Variants in MAGI2 observed in about 807,000 individuals in gnomAD.
The protein encoded by MAGI2 is membrane-associated guanylate kinase, WW and PDZ domain-containing protein 2.
In MAGI2, 35 loss-of-function variants were observed where a neutral mutation model predicts 133.3. The observed-to-expected ratio is 0.26, with a 90% CI of 0.20 to 0.35. MAGI2 has a LOEUF of 0.35. Among genes scored for constraint, MAGI2 ranks in the 10% least tolerant of loss-of-function variants. The pLI is 1.00. For synonymous variants in MAGI2, 729 were observed against 710.6 expected (o/e 1.03, Z -0.41); for missense variants, 1,636 against 1,863.4 (o/e 0.88, Z 2.25).
chr7:78,897,660 CTGTGAAGAA>C (rs1204656993), intron 2 of MAGI2, among the ~76,000 whole-genome samples: 1 of 152,072 alleles, frequency 6.6e-6, no homozygotes. Context: ...TTTTCTAGTT[CTGTGAAGAA>C]TGCCACTGGT....
chr7:78,214,443 T>C (rs536916949), intron 10 of MAGI2, among the ~76,000 whole-genome samples: 3 of 152,356 alleles, frequency 2.0e-5, no homozygotes, highest in African/African-American at 7.2e-5. Flanking sequence ...TACTATCTTT[T>C]TGATGTCTTG....
At chr7:78,842,023 T>G (rs1322869374) in intron 2 of MAGI2, among the ~76,000 whole-genome samples, 1 of 151,974 alleles carries the variant, frequency 6.6e-6, no homozygotes, top group African/African-American at 2.4e-5. Flanking sequence ...TCATAGGTGC[T>G]TAAAAATGTT....
chr7:79,251,751 A>G (rs1833290255), intron 1 of MAGI2, among the ~76,000 whole-genome samples: 1 of 152,218 alleles, frequency 6.6e-6, no homozygotes, highest in African/African-American at 2.4e-5. Context: ...CCCAAAGGAA[A>G]GGAAATCAGT....
intron 6 of MAGI2, among the ~76,000 whole-genome samples, chr7:78,435,559 C>G (rs931423137): frequency 6.6e-6 from 1 of 152,086 alleles, no homozygotes; most frequent in Admixed American, 6.6e-5. Flanking sequence ...AAAACACACA[C>G]AAGTGGGCTC....
At chr7:78,604,310 T>C (rs1805558998) in intron 3 of MAGI2, among the ~76,000 whole-genome samples, 1 of 152,114 alleles carries the variant, frequency 6.6e-6, no homozygotes, top group African/African-American at 2.4e-5. Flanking sequence ...TGAAGTATGT[T>C]GATGGGCAAG....
chr7:78,766,180 T>C (rs773885506), intron 2 of MAGI2, among the ~76,000 whole-genome samples: 1 of 152,100 alleles, frequency 6.6e-6, no homozygotes, highest in East Asian at 1.9e-4. Flanking sequence ...GGGTTGTGCT[T>C]TTGTGGAAAG....
At chr7:78,389,312 C>T (rs552618386) in intron 6 of MAGI2, among the ~76,000 whole-genome samples, 25 of 152,104 alleles carry the variant, frequency 1.6e-4, no homozygotes, top group Non-Finnish European at 2.6e-4. Context: ...GAGAAAACAA[C>T]GAGGGACACA....
At position 79,370,335 on chromosome 7, in the gene MAGI2, A is replaced by G. The variant is rs75600998; in HGVS notation, c.301+82685T>C. On this transcript the variant is annotated intron_variant, in intron 1 of 21. Coordinates refer to ENST00000354212, the MANE Select transcript of MAGI2 (RefSeq NM_012301.4). The stretch of plus-strand genomic sequence containing the variant: ...TTAGATAATCTTATCACAGTTTACT[A>G]AGGATAAATGAATTGCCTATACATT... Among the ~76,000 whole-genome samples the G allele has an allele frequency of 8.5e-3, 1,292 of 152,240 alleles. 12 individuals are homozygous for G. The highest frequency in any genetic ancestry group is 0.03 in the African/African-American group (1,239 of 41,570).
intron 6 of MAGI2, among the ~76,000 whole-genome samples, chr7:78,463,719 A>G (rs914326103): frequency 1.3e-5 from 2 of 152,170 alleles, no homozygotes; most frequent in Non-Finnish European, 2.9e-5. Context: ...AAACAAGGAA[A>G]GGCTTCCGTT....
chr7:79,343,524 T>C (rs1306665817), intron 1 of MAGI2, among the ~76,000 whole-genome samples: 1 of 140,782 alleles, frequency 7.1e-6, no homozygotes, highest in Non-Finnish European at 1.5e-5. Context: ...ATTATTGATT[T>C]TCACCAGCCT....
intron 3 of MAGI2, among the ~76,000 whole-genome samples, chr7:78,542,035 A>G (rs1294626352): frequency 6.6e-6 from 1 of 152,226 alleles, no homozygotes; most frequent in African/African-American, 2.4e-5. Context: ...CTGTTGTCGC[A>G]TGCAGGTAGC....
At chr7:78,886,556 C>T (rs1024160063) in intron 2 of MAGI2, among the ~76,000 whole-genome samples, 1 of 152,162 alleles carries the variant, frequency 6.6e-6, no homozygotes, top group African/African-American at 2.4e-5. Flanking sequence ...GTCTATGTTT[C>T]CTTCTTTCTT....
chr7:79,152,042 T>TAGCA (rs1414072561), intron 1 of MAGI2, among the ~76,000 whole-genome samples: 2 of 152,140 alleles, frequency 1.3e-5, no homozygotes, highest in African/African-American at 4.8e-5. Flanking sequence ...AATGGTAAAG[T>TAGCA]AGCACTTCAA....
intron 2 of MAGI2, among the ~76,000 whole-genome samples, chr7:78,751,177 A>C (rs1253972880): frequency 1.3e-5 from 2 of 152,224 alleles, no homozygotes; most frequent in Non-Finnish European, 2.9e-5. Flanking sequence ...TCAGAAAATT[A>C]ATGATTACGT....
At chr7:78,905,759 T>C (rs921607876) in intron 2 of MAGI2, among the ~76,000 whole-genome samples, 2 of 152,192 alleles carry the variant, frequency 1.3e-5, no homozygotes, top group Non-Finnish European at 1.5e-5. Context: ...TTTGGATTGT[T>C]GCTTTTACTT....
chr7:78,145,818 G>T (rs1404823060), intron 16 of MAGI2, among the ~76,000 whole-genome samples: 6 of 152,118 alleles, frequency 3.9e-5, no homozygotes, highest in African/African-American at 1.4e-4. Context: ...GTTGGAGTGA[G>T]AGAGCTCTGG....
intron 10 of MAGI2, among the ~76,000 whole-genome samples, chr7:78,229,466 C>G (rs1245446147): frequency 2.0e-5 from 3 of 152,154 alleles, no homozygotes; most frequent in Non-Finnish European, 4.4e-5. Flanking sequence ...TTCTTTCACT[C>G]TAGCTGAGGA....
intron 7 of MAGI2, among the ~76,000 whole-genome samples, chr7:78,348,991 T>G (rs1284699114): frequency 6.6e-6 from 1 of 152,218 alleles, no homozygotes; most frequent in Non-Finnish European, 1.5e-5. Context: ...TAGAAGGACA[T>G]AGTATTCCTA....
intron 6 of MAGI2, among the ~76,000 whole-genome samples, chr7:78,404,789 C>G (rs1196138746): frequency 2.0e-5 from 3 of 152,104 alleles, no homozygotes; most frequent in African/African-American, 7.2e-5. Context: ...ATACCTAAAG[C>G]AATGGCAACA....
Sources: gnomAD v4.1 joint callset for allele counts (sites outside exome capture counted in the v4.1 genomes callset) on GRCh38, gnomAD v4.1.1 for gene constraint, MANE v1.5 for transcripts, NCBI Gene and HGNC (gene_info 2026-07-23, HGNC 2026-07-21) for gene names.